The following PRR14L variants were observed in gnomAD, a reference collection of about 807,000 sequenced individuals.
The protein encoded by PRR14L is proline rich 14 like, also known as protein PRR14L.
In PRR14L, 80 loss-of-function variants were observed where a neutral mutation model predicts 155.0. The observed-to-expected ratio is 0.52, with a 90% confidence interval of 0.43 to 0.62. The LOEUF (loss-of-function observed/expected upper bound fraction) is 0.62, where lower values mean the gene tolerates loss of function less well. Ranked by LOEUF, PRR14L falls within the 20% of genes least tolerant of loss-of-function variation. The pLI is 0.00. For missense variants in PRR14L, 2,469 were observed against 2,548.0 expected, an observed-to-expected ratio of 0.97 and a Z score of 0.67; for synonymous variants, 883 against 916.0, an observed-to-expected ratio of 0.96 and a Z score of 0.65.
chr22:31,747,913 C>CA (rs2074848792), intron 1 of PRR14L, among the ~76,000 whole-genome samples: 1 of 150,478 alleles, frequency 6.6e-6, no homozygotes, highest in Non-Finnish European at 1.5e-5. Flanking sequence ...AAAAACCTGA[C>CA]AAAGTGGCAA....
intron 7 of PRR14L, among the ~76,000 whole-genome samples, chr22:31,700,449 G>A (rs2074557392): frequency 6.6e-6 from 1 of 152,148 alleles, no homozygotes; most frequent in Non-Finnish European, 1.5e-5. Context: ...AAAGATTATG[G>A]TACAGAAGTG....
intron 3 of PRR14L, among the ~76,000 whole-genome samples, chr22:31,720,053 T>A (rs1320083757): frequency 1.3e-5 from 2 of 152,114 alleles, no homozygotes; most frequent in African/African-American, 4.8e-5. Context: ...GATACTTACC[T>A]CTAAGCCTTG....
chr22:31,688,299 G>A, intron 7 of PRR14L, 72 bp from the exon 8 acceptor site: 3 of 1,441,708 alleles, frequency 2.1e-6, no homozygotes, highest in South Asian at 2.7e-5. Context: ...GTCTTGCTCT[G>A]TTGCCCAGGC....
At position 31,703,512 on chromosome 22, in the gene PRR14L, GCCA is replaced by G. The variant is rs763635803; in HGVS notation, c.6000+35_6000+37del. ...TGAGTTGACAATGGCCACCTCCAAT[GCCA>G]CCATCATCTGACCCAACCAGCACTT... On this transcript the variant is annotated intron_variant, in intron 6 of 8. Transcript: ENST00000327423. 3 of 1,585,266 alleles carry G rather than the reference GCCA, an allele frequency of 1.9e-6. No individual in the cohort carries two copies. The East Asian group carries it at 6.8e-5, about 36-fold the overall frequency.
At chr22:31,697,320 A>G (rs1394195305) in intron 7 of PRR14L, among the ~76,000 whole-genome samples, 3 of 151,556 alleles carry the variant, frequency 2.0e-5, no homozygotes, top group Non-Finnish European at 4.4e-5. Context: ...AAAAAAAAAA[A>G]AAGAAATTGG....
intron 4 of PRR14L, among the ~76,000 whole-genome samples, chr22:31,708,977 C>T (rs193048215): frequency 2.9e-4 from 44 of 152,220 alleles, no homozygotes; most frequent in Middle Eastern, 3.4e-3. Flanking sequence ...CAGGTGTGCA[C>T]CACACCCGGC....
chr22:31,717,180 A>C lies in PRR14L; in HGVS notation c.659T>G (p.Val220Gly). Residue 220 changes from valine (V) to glycine (G), a missense_variant, in exon 4 of 9, where the codon GTG (valine) becomes GGG (glycine). Transcript: ENST00000327423. ...GCATCCAGCTGAGAGATCTTTACTC[A>C]CATTGCCATTTTTGTGTCCTTCATT... is the stretch of plus-strand genomic sequence containing the variant. The part of the protein sequence containing the change: ...DNNEGHKNGN[V>G]SKDLSAGCGE... The C allele has an allele frequency of 6.4e-7, 1 of 1,552,294 alleles. No individual in the cohort carries two copies. The highest frequency in any genetic ancestry group is 8.7e-7 in the Non-Finnish European group (1 of 1,147,126).
chr22:31,700,688 C>A (rs1485156965), intron 7 of PRR14L, among the ~76,000 whole-genome samples: 1 of 152,018 alleles, frequency 6.6e-6, no homozygotes, highest in East Asian at 1.9e-4. Context: ...TACCAAGTAG[C>A]TGGGATTACT....
chr22:31,726,191 C>T (rs9609353), intron 2 of PRR14L, among the ~76,000 whole-genome samples: 1,716 of 151,780 alleles, frequency 0.011, 18 homozygotes, highest in Non-Finnish European at 0.018. Flanking sequence ...CAAGACTGTG[C>T]GCGCTGTCAG....
intron 1 of PRR14L, among the ~76,000 whole-genome samples, chr22:31,747,946 CCAAAA>C (rs1200052958): frequency 6.7e-6 from 1 of 149,134 alleles, no homozygotes; most frequent in Non-Finnish European, 1.5e-5. Context: ...CAAACACTCC[CCAAAA>C]CAAAAGTTCT....
At chr22:31,747,546 CAT>C (rs927836613) in intron 1 of PRR14L, among the ~76,000 whole-genome samples, 1 of 150,376 alleles carries the variant, frequency 6.6e-6, no homozygotes, top group African/African-American at 2.5e-5. Flanking sequence ...TTGTTTTTCA[CAT>C]GTTCATCAAA....
At chr22:31,744,192 G>C (rs1226011541) in intron 1 of PRR14L, among the ~76,000 whole-genome samples, 1 of 150,250 alleles carries the variant, frequency 6.7e-6, no homozygotes, top group East Asian at 2.0e-4. Context: ...GAGTGCAACA[G>C]TGCGATCTTA....
intron 4 of PRR14L, among the ~76,000 whole-genome samples, chr22:31,706,767 T>C (rs1298013365): frequency 6.6e-6 from 1 of 151,602 alleles, no homozygotes; most frequent in Non-Finnish European, 1.5e-5. Flanking sequence ...AGCAAACTTC[T>C]GGCCAGGCAT....
chr22:31,715,422 G>A lies in PRR14L; in HGVS notation c.2417C>T (p.Ala806Val), dbSNP rs1187670176. 7.1e-6 allele frequency: 11 copies of A among 1,552,296 alleles called. No individual in the cohort carries two copies. The highest frequency in any genetic ancestry group is 8.7e-6 in the Non-Finnish European group (10 of 1,147,110). Residue 806 changes from alanine (A) to valine (V), a missense_variant, in exon 4 of 9, where the codon GCT becomes GTT. Ala to Val is a moderately conservative substitution (Grantham distance 64). Coordinates refer to ENST00000327423, the MANE Select transcript of PRR14L (RefSeq NM_173566.3). The part of the protein sequence containing the change: ...SQENMCSASA[A>V]FKSSKISLQV... ...CAGGCTGATTTTGCTGGACTTGAAA[G>A]CAGCAGAAGCAGAACACATGTTTTC...
intron 1 of PRR14L, among the ~76,000 whole-genome samples, chr22:31,742,249 A>T (rs2074816936): frequency 6.6e-6 from 1 of 152,156 alleles, no homozygotes; most frequent in African/African-American, 2.4e-5. Flanking sequence ...CCTGCCTACC[A>T]CAGAGATATG....
In PRR14L at chr22:31,685,653, G is replaced by A; in HGVS notation, c.6330C>T (p.Ser2110=). Residue 2110 remains serine, a synonymous_variant, in exon 9 of 9, where the codon AGC becomes AGT. Transcript: ENST00000327423. The part of the protein sequence containing the change: ...RARGKVKVAG[S]FTRAQKAAVQ... ...CAGCTGCCTTCTGGGCCCTGGTAAA[G>A]CTGCCTGCCACCTTGACTTTGCCTC... is the stretch of plus-strand genomic sequence containing the variant. 6.4e-7 allele frequency: 1 copy of A among 1,551,816 alleles called. No homozygotes were observed. The highest frequency in any genetic ancestry group is 1.2e-5 in the South Asian group (1 of 84,064).
In PRR14L at chr22:31,716,556, C is replaced by G. The variant is rs758625314; in HGVS notation, c.1283G>C (p.Cys428Ser). 3.9e-6 allele frequency: 6 copies of G among 1,547,526 alleles called. No individual in the cohort carries two copies. Among genetic ancestry groups the G allele is most frequent in the Non-Finnish European group, 5.2e-6 (6 of 1,146,012 alleles). Residue 428 changes from cysteine to serine, a missense_variant, in exon 4 of 9, where the codon TGT becomes TCT. By Grantham distance (112) the Cys-to-Ser change is moderately radical. This residue lies in a region of PRR14L where 2,363 missense variants were observed against 2,371.6 expected (regional missense o/e 1.00). Coordinates refer to ENST00000327423, the MANE Select transcript of PRR14L (RefSeq NM_173566.3). Reference sequence around the variant, plus strand: ...AACAACAGGCTCTTTTTCACCAGAACAACGACCACTAATCTCCTTTTCTGG... The same window carrying G: ...AACAACAGGCTCTTTTTCACCAGAAGAACGACCACTAATCTCCTTTTCTGG... ...REPEKEISGR[C>S]SGEKEPVVSP...
intron 3 of PRR14L, among the ~76,000 whole-genome samples, chr22:31,718,546 G>A (rs1430865324): frequency 2.0e-5 from 3 of 146,794 alleles, no homozygotes; most frequent in Admixed American, 6.7e-5. Context: ...GAGCCACCAC[G>A]CCCGGCCTGC....
intron 7 of PRR14L, among the ~76,000 whole-genome samples, chr22:31,689,351 C>T (rs543944098): frequency 3.3e-5 from 5 of 152,100 alleles, no homozygotes; most frequent in African/African-American, 9.6e-5. Context: ...AAAACTGGCC[C>T]TGAATCCCTT....
Sources: gnomAD v4.1 joint callset for allele counts (sites outside exome capture counted in the v4.1 genomes callset) on GRCh38, gnomAD v4.1.1 for gene constraint, gnomAD v4.1.1 regional missense constraint, MANE v1.5 for transcripts, NCBI Gene and HGNC (gene_info 2026-07-23, HGNC 2026-07-21) for gene names.